Variants in GATAD1 observed in about 807,000 individuals in gnomAD.
GATAD1 encodes the protein GATA zinc finger domain-containing protein 1.
In GATAD1, 12 loss-of-function variants were observed where a neutral mutation model predicts 26.5. The ratio of observed to expected loss-of-function variants is 0.45; its 90% CI spans 0.29 to 0.73. The LOEUF (loss-of-function observed/expected upper bound fraction) is 0.73, where lower values mean the gene tolerates loss of function less well. GATAD1 is among the 30% of genes least tolerant of loss of function. The pLI is 0.10. For synonymous variants in GATAD1, 129 were observed against 133.1 expected (o/e 0.97, Z 0.21); for missense variants, 266 against 342.1 (o/e 0.78, Z 1.75).
At chr7:92,470,382 G>A in the GATAD1 span, 1 of 692,556 alleles carries the variant, frequency 1.4e-6, no homozygotes, top group Non-Finnish European at 2.6e-6. Flanking sequence ...GGAGGGCCAT[G>A]GGGATTTATG....
At chr7:92,450,541 G>C in intron 2 of GATAD1, 160 bp from the exon 3 acceptor site, 1 of 561,362 alleles carries the variant, frequency 1.8e-6, no homozygotes, top group South Asian at 2.3e-5. Flanking sequence ...AGACTGCTTT[G>C]CCACAACATT....
chr7:92,462,409 C>T (rs1789953086), downstream of GATAD1, among the ~76,000 whole-genome samples: 1 of 151,052 alleles, frequency 6.6e-6, no homozygotes, highest in African/African-American at 2.4e-5. Flanking sequence ...CACATGCATA[C>T]ATATGCATAT....
rs1314949684 is a variant in GATAD1, at chr7:92,457,636, T to G, written c.*1074T>G. ...TATTTATTTCTAGAAACTCATAAAA[T>G]GGATTGTATTTTTCTATAAGAACAA... On this transcript the variant is annotated 3_prime_UTR_variant, in exon 5 of 5. Transcript: ENST00000287957. 6.6e-6 allele frequency: 1 copy of G among 152,176 alleles called. No individual in the cohort carries two copies. Among genetic ancestry groups the G allele is most frequent in the Non-Finnish European group, 1.5e-5 (1 of 68,022 alleles). 9.4% of individuals were successfully genotyped at this position (152,176 alleles called of 1,614,324 possible). A position where few individuals can be genotyped will look rare whatever the true frequency, so the allele number is the denominator to read the frequency against.
Position 92,456,474 on chromosome 7 carries a change from C to G in GATAD1, c.722C>G (p.Pro241Arg), listed in dbSNP as rs1421577442. The change falls in exon 5 of 5, where the codon CCC (proline) becomes CGC (arginine). Residue 241 changes from proline (P) to arginine (R), a missense_variant. Physicochemically the swap from Pro to Arg is moderately radical, Grantham distance 103. Transcript: ENST00000287957. ...KSRSSPFPTVPTRPEKGYIWT... is the reference protein window; with the variant it reads ...KSRSSPFPTVRTRPEKGYIWT... ...CGGTCATCACCATTTCCCACAGTTCCCACCAGACCAGAGAAGGGCTACATA... is the reference window on the plus strand; with the variant it reads ...CGGTCATCACCATTTCCCACAGTTCGCACCAGACCAGAGAAGGGCTACATA... 2 of 1,612,366 alleles carry G rather than the reference C, an allele frequency of 1.2e-6. No homozygotes were observed. The highest frequency in any genetic ancestry group is 1.7e-5 in the Admixed American group (1 of 60,010).
chr7:92,454,358 C>T, intron 3 of GATAD1, 144 bp from the exon 4 acceptor site: 1 of 647,488 alleles, frequency 1.5e-6, no homozygotes. Context: ...GAATTGGCAC[C>T]AAACATATAA....
the GATAD1 span, chr7:92,470,284 G>A: frequency 2.6e-6 from 2 of 778,626 alleles, no homozygotes; most frequent in Non-Finnish European, 4.8e-6. Context: ...CTCTTGGTAA[G>A]GGGAGCTACT....
the GATAD1 span, chr7:92,491,271 C>A: frequency 1.3e-6 from 2 of 1,581,416 alleles, no homozygotes; most frequent in Non-Finnish European, 1.7e-6. Context: ...GCACAAGATA[C>A]CAAATCAGAA....
chr7:92,488,821 C>T, the GATAD1 span, among the ~76,000 whole-genome samples: 1 of 151,950 alleles, frequency 6.6e-6, no homozygotes, highest in East Asian at 1.9e-4. Context: ...GCAACCTCCA[C>T]CTCCTGGGTT....
At chr7:92,462,996 C>G (rs907987575), downstream of GATAD1, 3 of 152,176 alleles carry the variant, frequency 2.0e-5, no homozygotes, top group African/African-American at 7.2e-5. Context: ...CACAAGGACC[C>G]ATCAGCAGAC....
chr7:92,454,656 A>T lies in GATAD1; in HGVS notation c.590A>T (p.Asp197Val), dbSNP rs1468329636. 2.5e-6 allele frequency: 4 copies of T among 1,601,380 alleles called. No individual in the cohort carries two copies. The highest frequency in any genetic ancestry group is 3.4e-6 in the Non-Finnish European group (4 of 1,175,884). The change falls in exon 4 of 5, where the codon GAC (aspartate) becomes GTC (valine). Residue 197 changes from aspartate (D) to valine (V), a missense_variant. Asp to Val is a radical substitution (Grantham distance 152). Coordinates refer to ENST00000287957, the MANE Select transcript of GATAD1 (RefSeq NM_021167.5). ...WLIPTLSSPR[D>V]QFDPASYIIG... is the part of the protein sequence containing the mutation. Reference sequence around the variant, plus strand: ...ATTCCTACCCTCTCTAGCCCCAGAGACCAATTTGATCCCGCCTCCTATATC... The same window carrying T: ...ATTCCTACCCTCTCTAGCCCCAGAGTCCAATTTGATCCCGCCTCCTATATC...
chr7:92,489,823 A>G, the GATAD1 span: 1 of 1,614,028 alleles, frequency 6.2e-7, no homozygotes, highest in South Asian at 1.1e-5. Context: ...TGTCCTTAAC[A>G]CTGGAGGCTG....
the GATAD1 span, among the ~76,000 whole-genome samples, chr7:92,480,429 C>T: frequency 1.3e-5 from 2 of 152,104 alleles, no homozygotes; most frequent in African/African-American, 2.4e-5. Flanking sequence ...CCTGAACAAT[C>T]CCTGAGGGGT....
the GATAD1 span, among the ~76,000 whole-genome samples, chr7:92,485,553 T>C: frequency 1.3e-5 from 2 of 152,220 alleles, no homozygotes; most frequent in Non-Finnish European, 2.9e-5. Flanking sequence ...TGAATCTTCT[T>C]TTCTCCAAGC....
In GATAD1 at chr7:92,456,398, A is replaced by G. The variant is rs778197140; in HGVS notation, c.646A>G (p.Met216Val). 3.1e-6 allele frequency: 5 copies of G among 1,611,770 alleles called. No individual in the cohort carries two copies. The highest frequency in any genetic ancestry group is 3.4e-6 in the Non-Finnish European group (4 of 1,178,352). Residue 216 changes from methionine to valine, a missense_variant, in exon 5 of 5, where the codon ATG (methionine) becomes GTG (valine). Transcript: ENST00000287957. The part of the protein sequence containing the change: ...IGPEEDLPRK[M>V]EYLEFVCHAP... ...GCCAGAGGAAGATCTTCCAAGGAAG[A>G]TGGAATACTTGGAATTTGTTTGTCA...
the GATAD1 span, chr7:92,468,929 G>A: frequency 1.3e-6 from 1 of 764,148 alleles, no homozygotes; most frequent in South Asian, 1.3e-5. Flanking sequence ...TCCATTTGTA[G>A]TTTTACAGCT....
chr7:92,493,058 A>G, the GATAD1 span: 8 of 1,612,234 alleles, frequency 5.0e-6, no homozygotes, highest in African/African-American at 2.7e-5. Context: ...CTGATGCTAC[A>G]TGCTGAAGGT....
chr7:92,467,269 C>T, the GATAD1 span, among the ~76,000 whole-genome samples: 5 of 152,042 alleles, frequency 3.3e-5, no homozygotes, highest in East Asian at 1.9e-4. Flanking sequence ...GCCGAGATTG[C>T]ACCATTGCAC....
At chr7:92,477,950 G>C in the GATAD1 span, 1 of 152,540 alleles carries the variant, frequency 6.6e-6, no homozygotes, top group East Asian at 1.9e-4. Flanking sequence ...GGCTGCTGTT[G>C]CCAGCTCGAA....
At chr7:92,482,984 G>C in the GATAD1 span, among the ~76,000 whole-genome samples, 1 of 152,204 alleles carries the variant, frequency 6.6e-6, no homozygotes, top group Non-Finnish European at 1.5e-5. Flanking sequence ...TCCACTGTGA[G>C]AGTTACCTGA....
Sources: gnomAD v4.1 joint callset for allele counts (sites outside exome capture counted in the v4.1 genomes callset) on GRCh38, gnomAD v4.1.1 for gene constraint, MANE v1.5 for transcripts, NCBI Gene and HGNC (gene_info 2026-07-23, HGNC 2026-07-21) for gene names.